RNF216: variants seen among roughly 807,000 people sequenced by gnomAD.
RNF216 encodes the protein ring finger protein 216.
RNF216 carries 72 observed loss-of-function variants against 110.8 expected under a neutral mutation model. That is an observed-to-expected ratio of 0.65 (90% CI 0.54 to 0.79). The LOEUF is 0.79. Ranked by LOEUF, RNF216 falls within the 30% of genes least tolerant of loss-of-function variation. The probability of loss-of-function intolerance (pLI) is 0.00; values close to 1 mark genes in which losing one functional copy is unlikely to be tolerated. For missense variants in RNF216, 1,342 were observed against 1,141.2 expected, an observed-to-expected ratio of 1.18 and a Z score of -2.54; for synonymous variants, 495 against 407.5, an observed-to-expected ratio of 1.21 and a Z score of -2.59.
chr7:5,660,943 GT>G (rs1168463360), intron 13 of RNF216, among the ~76,000 whole-genome samples: 7,713 of 90,094 alleles, frequency 0.086, 148 homozygotes, highest in African/African-American at 0.16. Context: ...GAAGCCTTAG[GT>G]TTTTTTTTTT....
chr7:5,624,193 G>A lies in RNF216; in HGVS notation c.2383-68C>T. The A allele has an allele frequency of 7.3e-7, 1 of 1,360,632 alleles. No individual in the cohort carries two copies. Among genetic ancestry groups the A allele is most frequent in the Non-Finnish European group, 1.0e-6 (1 of 967,832 alleles). The allele number at this position is 1,360,632 out of a possible 1,614,324, so 84.3% of individuals were successfully genotyped here. A position where few individuals can be genotyped will look rare whatever the true frequency, so the allele number is the denominator to read the frequency against. ...CAGTGCTGAGGCCCCGTGGGACAGT[G>A]AGGAGGCCGCTTGTTGCTTATGGCC... On this transcript the variant is annotated intron_variant, in intron 15 of 16. Transcript: ENST00000389902. This position sits in a 1 kb window ranked among gnomAD's most constrained non-coding sequence, Gnocchi z 4.4.
chr7:5,675,569 G>A (rs947053145), intron 13 of RNF216, among the ~76,000 whole-genome samples: 11 of 152,134 alleles, frequency 7.2e-5, no homozygotes, highest in African/African-American at 2.7e-4. Flanking sequence ...TTGAGCCCAG[G>A]AGGTCGGGCT....
intron 7 of RNF216, among the ~76,000 whole-genome samples, chr7:5,728,558 A>G (rs901136589): frequency 1.3e-5 from 2 of 151,744 alleles, no homozygotes; most frequent in African/African-American, 2.4e-5. Context: ...TGGGCAACAG[A>G]GTGAGACTCC....
chr7:5,709,638 A>C (rs1005784454), intron 13 of RNF216, among the ~76,000 whole-genome samples: 1 of 152,298 alleles, frequency 6.6e-6, no homozygotes, highest in Middle Eastern at 3.4e-3. Flanking sequence ...AAACAAAAAC[A>C]TATGTGGTGT....
At chr7:5,771,050 C>A in intron 1 of RNF216, among the ~76,000 whole-genome samples, 1 of 152,176 alleles carries the variant, frequency 6.6e-6, no homozygotes, top group East Asian at 1.9e-4. Flanking sequence ...TTGTGATTCG[C>A]CCACCTTGGC....
At chr7:5,638,823 G>C (rs1017858590) in intron 15 of RNF216, among the ~76,000 whole-genome samples, 2 of 151,908 alleles carry the variant, frequency 1.3e-5, no homozygotes, top group African/African-American at 4.8e-5. Context: ...TTGTAAAGAT[G>C]GGGGTCTCAC....
At chr7:5,779,992 T>A (rs1207406500) in intron 1 of RNF216, 1 of 151,940 alleles carries the variant, frequency 6.6e-6, no homozygotes, top group African/African-American at 2.4e-5. Context: ...CACCGAAACA[T>A]ACAGCAGCAC....
At chr7:5,700,485 A>T (rs1162936801) in intron 13 of RNF216, among the ~76,000 whole-genome samples, 1 of 152,228 alleles carries the variant, frequency 6.6e-6, no homozygotes, top group Non-Finnish European at 1.5e-5. Flanking sequence ...ATGTCATTAA[A>T]TTATTTTAGT....
chr7:5,700,943 C>T (rs529572075), intron 13 of RNF216, among the ~76,000 whole-genome samples: 133 of 152,248 alleles, frequency 8.7e-4, no homozygotes, highest in African/African-American at 3.1e-3. Context: ...TATAGCGTAT[C>T]GCCGTCTTTG....
At chr7:5,727,338 C>T (rs1292318929) in intron 7 of RNF216, among the ~76,000 whole-genome samples, 1 of 152,238 alleles carries the variant, frequency 6.6e-6, no homozygotes, top group Non-Finnish European at 1.5e-5. Context: ...AATTTGGCAT[C>T]TATCCTGCCT....
chr7:5,725,679 G>C (rs1159525128), intron 7 of RNF216, among the ~76,000 whole-genome samples: 1 of 152,084 alleles, frequency 6.6e-6, no homozygotes, highest in Non-Finnish European at 1.5e-5. Context: ...GTGAAACCCT[G>C]TCTGTACTAA....
At chr7:5,647,515 G>A (rs1170849108) in intron 14 of RNF216, among the ~76,000 whole-genome samples, 1 of 151,532 alleles carries the variant, frequency 6.6e-6, no homozygotes, top group Non-Finnish European at 1.5e-5. Context: ...TAGATTTTCT[G>A]TACAGAGAGG....
At chr7:5,663,915 C>CA (rs1410533915) in intron 13 of RNF216, among the ~76,000 whole-genome samples, 1 of 151,652 alleles carries the variant, frequency 6.6e-6, no homozygotes. Flanking sequence ...CAAAACAAAA[C>CA]AAAAAAACCC....
chr7:5,677,485 C>T (rs962786977), intron 13 of RNF216, among the ~76,000 whole-genome samples: 1 of 152,168 alleles, frequency 6.6e-6, no homozygotes, highest in African/African-American at 2.4e-5. Context: ...AATAAAAGAT[C>T]CAAGCCATAT....
intron 2 of RNF216, among the ~76,000 whole-genome samples, chr7:5,758,867 A>C (rs1795781437): frequency 6.6e-6 from 1 of 152,168 alleles, no homozygotes; most frequent in East Asian, 1.9e-4. Context: ...ACTGTTGGGA[A>C]GACGCAATTG....
At chr7:5,763,101 G>A (rs1796018655) in intron 1 of RNF216, among the ~76,000 whole-genome samples, 1 of 152,114 alleles carries the variant, frequency 6.6e-6, no homozygotes, top group African/African-American at 2.4e-5. Context: ...GGACTCATAT[G>A]AGAGTAATGG....
chr7:5,642,041 AAAAAG>A (rs1485467307), intron 14 of RNF216, among the ~76,000 whole-genome samples: 11 of 146,822 alleles, frequency 7.5e-5, no homozygotes, highest in African/African-American at 2.6e-4. Context: ...TTAAAAAAAA[AAAAAG>A]AAAAAAAAAA....
chr7:5,767,819 G>T (rs1228589806), intron 1 of RNF216, among the ~76,000 whole-genome samples: 1 of 151,992 alleles, frequency 6.6e-6, no homozygotes, highest in African/African-American at 2.4e-5. Context: ...GGGTGGTCTC[G>T]AATTCCTGAC....
intron 3 of RNF216, among the ~76,000 whole-genome samples, chr7:5,744,285 G>A (rs1794918124): frequency 6.6e-6 from 1 of 152,176 alleles, no homozygotes; most frequent in African/African-American, 2.4e-5. Flanking sequence ...AAATACAGTT[G>A]AAGAGAGAAA....
Sources: gnomAD v4.1 joint callset for allele counts (sites outside exome capture counted in the v4.1 genomes callset) on GRCh38, gnomAD v4.1.1 for gene constraint, Gnocchi (gnomAD v3.1) non-coding constraint, MANE v1.5 for transcripts, NCBI Gene and HGNC (gene_info 2026-07-23, HGNC 2026-07-21) for gene names.